The following CDK19 variants were observed in gnomAD, a reference collection of about 807,000 sequenced individuals.
The protein encoded by CDK19 is cyclin-dependent kinase 19.
In CDK19, 20 loss-of-function variants were observed where a neutral mutation model predicts 68.3. That is an observed-to-expected ratio of 0.29 (90% CI 0.21 to 0.43). The LOEUF (loss-of-function observed/expected upper bound fraction) is 0.43. Ranked by LOEUF, CDK19 falls within the 20% of genes least tolerant of loss-of-function variation. CDK19 has a pLI of 1.00. For missense variants in CDK19, 339 were observed against 623.5 expected, an observed-to-expected ratio of 0.54 and a Z score of 4.86; for synonymous variants, 221 against 222.8, an observed-to-expected ratio of 0.99 and a Z score of 0.07.
In CDK19 at chr6:110,732,194, T is replaced by C. The variant is rs112040122; in HGVS notation, c.204+13932A>G. Among the ~76,000 whole-genome samples, 213 of 152,194 alleles carry C rather than the reference T, an allele frequency of 1.4e-3. 1 individual carries two copies. In the Middle Eastern group the frequency reaches 0.02, roughly 15 times the overall value. ...TACTTCTCACCAATTCCTCCATTTTTACAAAGTCATTCAAGGTAGGGCCGG... is the reference window on the plus strand; with the variant it reads ...TACTTCTCACCAATTCCTCCATTTTCACAAAGTCATTCAAGGTAGGGCCGG... On this transcript the variant is annotated intron_variant, in intron 2 of 12. Coordinates refer to ENST00000368911, the MANE Select transcript of CDK19 (RefSeq NM_015076.5).
intron 1 of CDK19, among the ~76,000 whole-genome samples, chr6:110,781,157 T>A (rs1780785772): frequency 6.6e-6 from 1 of 152,190 alleles, no homozygotes; most frequent in South Asian, 2.1e-4. Context: ...ATTTGGCTCA[T>A]GGTTCTGCAG....
At chr6:110,634,346 A>G (rs1470741142) in intron 5 of CDK19, among the ~76,000 whole-genome samples, 1 of 152,096 alleles carries the variant, frequency 6.6e-6, no homozygotes, top group Non-Finnish European at 1.5e-5. Flanking sequence ...CCTCTAGAGT[A>G]GATGGGATTA....
chr6:110,801,551 G>A (rs117040445), intron 1 of CDK19, among the ~76,000 whole-genome samples: 4,260 of 151,810 alleles, frequency 0.028, 83 homozygotes, highest in South Asian at 0.084. Flanking sequence ...TTGCACTGTC[G>A]CCCAAGCTAG....
At position 110,626,966 on chromosome 6, in the gene CDK19, A is replaced by C. The variant is rs1189767433; in HGVS notation, c.790+36T>G. On this transcript the variant is annotated intron_variant, in intron 7 of 12. Coordinates refer to ENST00000368911, the MANE Select transcript of CDK19 (RefSeq NM_015076.5). ...TGAGAAGAAATGATTTTGAAATATG[A>C]CTCAAAATATGACTTTAAAAAGGAA... The C allele has an allele frequency of 1.9e-6, 3 of 1,552,502 alleles. No homozygotes were observed. In the African/African-American group the frequency reaches 4.1e-5, roughly 21 times the overall value.
chr6:110,716,718 A>G (rs1775430049), intron 2 of CDK19, among the ~76,000 whole-genome samples: 1 of 152,204 alleles, frequency 6.6e-6, no homozygotes. Context: ...ATAGAGAACA[A>G]AGAGAGAGAA....
intron 1 of CDK19, among the ~76,000 whole-genome samples, chr6:110,746,795 A>G (rs1311329101): frequency 6.6e-6 from 1 of 152,216 alleles, no homozygotes; most frequent in Admixed American, 6.5e-5. Context: ...CCCAGTAGTT[A>G]AAGTGGATTT....
intron 4 of CDK19, among the ~76,000 whole-genome samples, chr6:110,652,095 C>T (rs1316783751): frequency 1.3e-5 from 2 of 151,312 alleles, no homozygotes; most frequent in Admixed American, 6.6e-5. Context: ...AAACAAACAA[C>T]AACAACAAAA....
At chr6:110,718,783 T>C (rs928136861) in intron 2 of CDK19, among the ~76,000 whole-genome samples, 4 of 151,942 alleles carry the variant, frequency 2.6e-5, no homozygotes, top group African/African-American at 9.7e-5. Context: ...CTAAAAGATA[T>C]ACCAAAATAA....
intron 4 of CDK19, among the ~76,000 whole-genome samples, chr6:110,660,649 T>C (rs1049703587): frequency 6.6e-6 from 1 of 152,108 alleles, no homozygotes; most frequent in East Asian, 1.9e-4. Flanking sequence ...TCCCCCAAAG[T>C]CCAGCCATCT....
At chr6:110,811,398 T>C (rs1783084842) in intron 1 of CDK19, among the ~76,000 whole-genome samples, 1 of 152,138 alleles carries the variant, frequency 6.6e-6, no homozygotes, top group Non-Finnish European at 1.5e-5. Flanking sequence ...GTGTCAGCCA[T>C]GCAAGGCACC....
intron 1 of CDK19, among the ~76,000 whole-genome samples, chr6:110,774,928 G>A (rs980137080): frequency 5.3e-5 from 8 of 149,618 alleles, no homozygotes; most frequent in Admixed American, 2.0e-4. Context: ...CAGCCTGGGC[G>A]ACAGAGCAAG....
At chr6:110,675,842 G>C (rs1165815919) in intron 2 of CDK19, among the ~76,000 whole-genome samples, 2 of 152,260 alleles carry the variant, frequency 1.3e-5, no homozygotes, top group East Asian at 3.9e-4. Context: ...AGCTCTGATT[G>C]AGATGTACAA....
intron 4 of CDK19, among the ~76,000 whole-genome samples, chr6:110,653,348 G>A (rs562773864): frequency 6.6e-5 from 10 of 152,166 alleles, no homozygotes; most frequent in Non-Finnish European, 1.5e-4. Flanking sequence ...TTTAGTGAAA[G>A]TATATGCTCT....
At chr6:110,789,932 G>A (rs1390964296) in intron 1 of CDK19, among the ~76,000 whole-genome samples, 1 of 152,062 alleles carries the variant, frequency 6.6e-6, no homozygotes, top group East Asian at 1.9e-4. Context: ...GGTACAAGTG[G>A]ACCTGCACAG....
intron 2 of CDK19, among the ~76,000 whole-genome samples, chr6:110,719,674 G>C (rs1165396050): frequency 6.6e-6 from 1 of 152,106 alleles, no homozygotes; most frequent in Non-Finnish European, 1.5e-5. Context: ...ATTTCAATTA[G>C]AAAGCTGCTA....
In CDK19 at chr6:110,632,128, G is replaced by A. The variant is rs1325061809; in HGVS notation, c.548C>T (p.Pro183Leu). 6.2e-7 allele frequency: 1 copy of A among 1,612,158 alleles called. No homozygotes were observed. Residue 183 changes from proline to leucine, a missense_variant, in exon 6 of 13, where the codon CCT becomes CTT. By Grantham distance (98) the Pro-to-Leu change is moderately conservative. Coordinates refer to ENST00000368911, the MANE Select transcript of CDK19 (RefSeq NM_015076.5). ...DMGFARLFNS[P>L]LKPLADLDPV... ...ATCCAAATCTGCTAGTGGCTTTAGA[G>A]GAGAATTGAATAATCTGGCAAAACC...
At chr6:110,646,217 C>T (rs1780562735) in intron 4 of CDK19, 44 of 1,440,086 alleles carry the variant, frequency 3.1e-5, no homozygotes, top group Non-Finnish European at 4.0e-5. Context: ...CGTCGGGGTC[C>T]GACGCGCAGG....
intron 2 of CDK19, among the ~76,000 whole-genome samples, chr6:110,720,867 CAAAAAA>C (rs60184209): frequency 1.1e-5 from 1 of 92,600 alleles, no homozygotes; most frequent in Non-Finnish European, 2.3e-5. Context: ...GACTCTGTCT[CAAAAAA>C]AAAAAAAAAA....
intron 1 of CDK19, among the ~76,000 whole-genome samples, chr6:110,754,515 C>G (rs1778698965): frequency 6.7e-6 from 1 of 150,300 alleles, no homozygotes; most frequent in East Asian, 1.9e-4. Flanking sequence ...GAGTCTCGCT[C>G]TGTCACCAGG....
Sources: gnomAD v4.1 joint callset for allele counts (sites outside exome capture counted in the v4.1 genomes callset) on GRCh38, gnomAD v4.1.1 for gene constraint, MANE v1.5 for transcripts, NCBI Gene and HGNC (gene_info 2026-07-23, HGNC 2026-07-21) for gene names.